SETDB2: variants seen among roughly 807,000 people sequenced by gnomAD.
SETDB2 encodes histone-lysine N-methyltransferase SETDB2.
A neutral mutation model predicts 82.5 loss-of-function variants in SETDB2; 56 were observed. The observed-to-expected ratio is 0.68, with a 90% CI of 0.55 to 0.85. The LOEUF (loss-of-function observed/expected upper bound fraction) is 0.85. Ranked by LOEUF, SETDB2 falls within the 40% of genes least tolerant of loss-of-function variation. The pLI is 0.00. For missense variants in SETDB2, 677 were observed against 816.4 expected, an observed-to-expected ratio of 0.83 and a Z score of 2.08; for synonymous variants, 272 against 284.9, an observed-to-expected ratio of 0.95 and a Z score of 0.46.
chr13:49,465,650 C>T (rs1353450144), intron 4 of SETDB2, among the ~76,000 whole-genome samples: 1 of 152,166 alleles, frequency 6.6e-6, no homozygotes, highest in Non-Finnish European at 1.5e-5. Context: ...GATTCTCCTG[C>T]CTCAGCCTCT....
At chr13:49,489,906 C>CA in intron 12 of SETDB2, among the ~76,000 whole-genome samples, 1 of 34,570 alleles carries the variant, frequency 2.9e-5, no homozygotes, top group Non-Finnish European at 6.8e-5. Flanking sequence ...TTATTTCTCC[C>CA]GCCCCCCCCC....
Position 49,451,850 on chromosome 13 carries a change from A to C in SETDB2, c.-44A>C, listed in dbSNP as rs1244926606. The C allele has an allele frequency of 6.5e-7, 1 of 1,529,682 alleles. No individual in the cohort carries two copies. The highest frequency in any genetic ancestry group is 1.8e-5 in the Admixed American group (1 of 55,222). The allele number at this position is 1,529,682 out of a possible 1,614,324, so 94.8% of individuals were successfully genotyped here. A position where few individuals can be genotyped will look rare whatever the true frequency, so the allele number is the denominator to read the frequency against. ...ATTCTGCAATCAAAGTGATTTGATA[A>C]ACCTAATTTTGAAGCATTTTATATT... On this transcript the variant is annotated 5_prime_UTR_variant, in exon 2 of 14. Coordinates refer to ENST00000611815, the MANE Select transcript of SETDB2 (RefSeq NM_001160308.3).
rs778151786 is a variant in SETDB2, at chr13:49,480,240, A to G, written c.891A>G (p.Gln297=). 4 of 1,609,588 alleles carry G rather than the reference A, an allele frequency of 2.5e-6. No homozygotes were observed. Among genetic ancestry groups the G allele is most frequent in the Non-Finnish European group, 2.5e-6 (3 of 1,178,696 alleles). ...CIDITKCACL[Q]LTARNAKTSP... is the part of the protein sequence containing the mutation. ...TTAGAACAAAATGTGCATGTCTTCAACTGACAGCAAGGAATGCCAAAACTT... is the reference window on the plus strand; with the variant it reads ...TTAGAACAAAATGTGCATGTCTTCAGCTGACAGCAAGGAATGCCAAAACTT... Residue 297 remains glutamine (Q), a synonymous_variant, in exon 7 of 14, where the codon CAA becomes CAG. Transcript: ENST00000611815.
intron 2 of SETDB2, among the ~76,000 whole-genome samples, chr13:49,459,107 G>T (rs1442939997): frequency 6.6e-6 from 1 of 152,174 alleles, no homozygotes; most frequent in Admixed American, 6.5e-5. Flanking sequence ...TCAGTCCAGA[G>T]TATTAGTAGT....
intron 1 of SETDB2, chr13:49,446,360 A>G: frequency 2.2e-6 from 1 of 456,226 alleles, no homozygotes; most frequent in Non-Finnish European, 4.4e-6. Flanking sequence ...AAGTTCGTAT[A>G]TGATAAAAAT....
rs560227246 is a variant in SETDB2, at chr13:49,451,608, ATAATGT to A, written c.-280_-275del. 33 of 222,680 alleles carry A rather than the reference ATAATGT, an allele frequency of 1.5e-4. 1 individual carries two copies. In the East Asian group the frequency reaches 1.6e-3, roughly 11 times the overall value. The allele number at this position is 222,680 out of a possible 1,614,324, so 13.8% of individuals were successfully genotyped here. A position where few individuals can be genotyped will look rare whatever the true frequency, so the allele number is the denominator to read the frequency against. On this transcript the variant is annotated 5_prime_UTR_variant, in exon 2 of 14. The change abolishes an upstream ATG in the 5' untranslated region. Transcript: ENST00000611815. ...GGAGTTGGTTTTTATTTTTAAAAAG[ATAATGT>A]TAATGATCTGATACCACTACAAATA...
At chr13:49,455,952 G>T (rs1417450239) in intron 2 of SETDB2, among the ~76,000 whole-genome samples, 1 of 151,978 alleles carries the variant, frequency 6.6e-6, no homozygotes, top group Non-Finnish European at 1.5e-5. Flanking sequence ...AATAGTAAGT[G>T]AACTATCACT....
In SETDB2 at chr13:49,493,601, A is replaced by C. The variant is rs1201967388; in HGVS notation, c.*1752A>C. ...TCCACATATTGGTAAAGCTCTTCCA[A>C]TAGCTTTTGGAAAGGAAAAATGAAA... On this transcript the variant is annotated 3_prime_UTR_variant, in exon 14 of 14. Coordinates refer to ENST00000611815, the MANE Select transcript of SETDB2 (RefSeq NM_001160308.3). 54 of 152,250 alleles carry C rather than the reference A, an allele frequency of 3.5e-4. No individual in the cohort carries two copies. Among genetic ancestry groups the C allele is most frequent in the Admixed American group, 3.5e-3 (54 of 15,304 alleles). 9.4% of individuals were successfully genotyped at this position (152,250 alleles called of 1,614,324 possible).
intron 4 of SETDB2, 150 bp from the exon 5 acceptor site, chr13:49,467,714 T>C (rs1958145664): frequency 2.2e-6 from 1 of 455,934 alleles, no homozygotes; most frequent in Admixed American, 4.2e-5. Context: ...TGACACTTAA[T>C]CTTTTGCCTC....
At chr13:49,487,934 T>G (rs1958629268) in intron 11 of SETDB2, among the ~76,000 whole-genome samples, 1 of 152,220 alleles carries the variant, frequency 6.6e-6, no homozygotes, top group Non-Finnish European at 1.5e-5. Flanking sequence ...TATACTTAAG[T>G]GCAGATTCCA....
intron 1 of SETDB2, among the ~76,000 whole-genome samples, chr13:49,450,876 A>C (rs954478801): frequency 6.6e-5 from 10 of 151,576 alleles, no homozygotes; most frequent in Non-Finnish European, 1.3e-4. Context: ...TTATTTTAGC[A>C]TTATTTATTA....
At chr13:49,475,888 T>C (rs1210520569) in intron 5 of SETDB2, among the ~76,000 whole-genome samples, 1 of 152,100 alleles carries the variant, frequency 6.6e-6, no homozygotes, top group Non-Finnish European at 1.5e-5. Context: ...TTACATATTA[T>C]GGAAAGAATT....
rs1000880268 is a variant in SETDB2, at chr13:49,492,974, A to G, written c.*1125A>G. ...CTCTCTCTCAAAAAAAACAGCACAC[A>G]CACACACACACGAAAACAATTCTGA... On this transcript the variant is annotated 3_prime_UTR_variant, in exon 14 of 14. Transcript: ENST00000611815. 1.3e-5 allele frequency: 2 copies of G among 151,756 alleles called. No homozygotes were observed. Among genetic ancestry groups the G allele is most frequent in the African/African-American group, 2.4e-5 (1 of 41,148 alleles). The allele number at this position is 151,756 out of a possible 1,614,324, so 9.4% of individuals were successfully genotyped here.
intron 3 of SETDB2, 22 bp from the exon 4 acceptor site, chr13:49,461,075 G>C: frequency 2.5e-6 from 4 of 1,589,032 alleles, no homozygotes; most frequent in Non-Finnish European, 3.4e-6. Context: ...TAATGGTGAT[G>C]CTGTTTTTCT....
intron 8 of SETDB2, among the ~76,000 whole-genome samples, chr13:49,481,647 T>C (rs1051910072): frequency 2.0e-5 from 3 of 152,218 alleles, no homozygotes; most frequent in Non-Finnish European, 4.4e-5. Flanking sequence ...CCGAGCAGTG[T>C]GTTACAGTCA....
At chr13:49,457,635 C>T (rs1176884951) in intron 2 of SETDB2, among the ~76,000 whole-genome samples, 2 of 151,852 alleles carry the variant, frequency 1.3e-5, no homozygotes, top group Non-Finnish European at 2.9e-5. Context: ...GGGGTTTCAC[C>T]GTGTTGGCCA....
intron 8 of SETDB2, chr13:49,482,280 A>G (rs1263690115): frequency 2.0e-6 from 2 of 985,348 alleles, no homozygotes; most frequent in African/African-American, 3.5e-5. Context: ...TTAGACCAAG[A>G]TTTTAGTGTT....
chr13:49,475,209 G>A (rs937486841), intron 5 of SETDB2, among the ~76,000 whole-genome samples: 2 of 152,072 alleles, frequency 1.3e-5, no homozygotes, highest in Non-Finnish European at 2.9e-5. Flanking sequence ...ATCAGATCTC[G>A]TGAGACTTAT....
chr13:49,491,577 C>G (rs998578369), intron 13 of SETDB2, among the ~76,000 whole-genome samples, 155 bp from the exon 14 acceptor site: 1 of 152,154 alleles, frequency 6.6e-6, no homozygotes, highest in Non-Finnish European at 1.5e-5. Flanking sequence ...AATGGTTATT[C>G]TTAATAAAAG....
Sources: gnomAD v4.1 joint callset for allele counts (sites outside exome capture counted in the v4.1 genomes callset) on GRCh38, gnomAD v4.1.1 for gene constraint, MANE v1.5 for transcripts, NCBI Gene and HGNC (gene_info 2026-07-23, HGNC 2026-07-21) for gene names.